Variants in EPHB1 observed in about 807,000 individuals in gnomAD.
The protein encoded by EPHB1 is ephrin type-B receptor 1.
Under a neutral mutation model 94.4 loss-of-function variants are expected in EPHB1, and 30 were observed. The observed-to-expected ratio is 0.32, with a 90% CI of 0.24 to 0.43. EPHB1 has a LOEUF of 0.43. Among genes scored for constraint, EPHB1 ranks in the 20% least tolerant of loss-of-function variants. The pLI is 1.00. For synonymous variants in EPHB1, 522 were observed against 489.1 expected (o/e 1.07, Z -0.89); for missense variants, 1,055 against 1,308.3 (o/e 0.81, Z 2.99).
chr3:134,915,467 C>A (rs191007708), intron 1 of EPHB1, among the ~76,000 whole-genome samples: 3 of 152,256 alleles, frequency 2.0e-5, no homozygotes, highest in African/African-American at 7.2e-5. Context: ...CAGGAAAGAT[C>A]CTCCCCGATA....
chr3:135,248,797 G>A (rs532873687), intron 14 of EPHB1, among the ~76,000 whole-genome samples: 2 of 152,040 alleles, frequency 1.3e-5, no homozygotes, highest in Admixed American at 1.3e-4. Flanking sequence ...GATTGGACAT[G>A]GATATTGAGG....
In EPHB1 at chr3:135,199,335, T is replaced by G. The variant is rs548700809; in HGVS notation, c.2131-2139T>G. 7.9e-5 allele frequency among the ~76,000 whole-genome samples: 12 copies of G among 152,264 alleles called. 1 individual carries two copies. In the South Asian group the frequency reaches 2.5e-3, roughly 32 times the overall value. On this transcript the variant is annotated intron_variant, in intron 11 of 15. Coordinates refer to ENST00000398015, the MANE Select transcript of EPHB1 (RefSeq NM_004441.5). ...TCCCCAGAGACCTACTTGGAGAAAATGCTTCGTGCTAGCAACAGCCTGCCT... is the reference window on the plus strand; with the variant it reads ...TCCCCAGAGACCTACTTGGAGAAAAGGCTTCGTGCTAGCAACAGCCTGCCT...
intron 3 of EPHB1, among the ~76,000 whole-genome samples, chr3:135,089,919 A>T (rs1012147141): frequency 6.6e-6 from 1 of 152,126 alleles, no homozygotes; most frequent in Non-Finnish European, 1.5e-5. Flanking sequence ...GTGCATTGAG[A>T]TCTAAGTGCT....
At chr3:134,919,614 C>G (rs1353874149) in intron 1 of EPHB1, among the ~76,000 whole-genome samples, 3 of 152,130 alleles carry the variant, frequency 2.0e-5, no homozygotes, top group Admixed American at 2.0e-4. Flanking sequence ...AGTAGACACC[C>G]TGAGGAGCCA....
At chr3:135,097,279 T>C (rs1385700968) in intron 3 of EPHB1, among the ~76,000 whole-genome samples, 1 of 150,940 alleles carries the variant, frequency 6.6e-6, no homozygotes, top group African/African-American at 2.4e-5. Flanking sequence ...GCTTGCTTTA[T>C]GGCTATCCTC....
Position 135,260,188 on chromosome 3 carries a change from A to G in EPHB1, c.*1068A>G, listed in dbSNP as rs1161898415. The stretch of plus-strand genomic sequence containing the variant: ...AAAAGGAGAAGGAAAGTGTTTCTGG[A>G]GAATGTTCTTTCACATCACTGGAAT... On this transcript the variant is annotated 3_prime_UTR_variant, in exon 16 of 16. Transcript: ENST00000398015. 5 of 232,950 alleles carry G rather than the reference A, an allele frequency of 2.1e-5. No homozygotes were observed. The highest frequency in any genetic ancestry group is 3.4e-5 in the Non-Finnish European group (4 of 117,630). 14.4% of individuals were successfully genotyped at this position (232,950 alleles called of 1,614,324 possible).
chr3:134,828,689 C>T (rs2036529446), intron 1 of EPHB1, among the ~76,000 whole-genome samples: 1 of 151,864 alleles, frequency 6.6e-6, no homozygotes. Context: ...GGAGAATGGC[C>T]CTTTGAGGGA....
intron 3 of EPHB1, among the ~76,000 whole-genome samples, chr3:134,953,017 A>G (rs544305091): frequency 6.6e-6 from 1 of 152,228 alleles, no homozygotes; most frequent in Admixed American, 6.5e-5. Context: ...AAGCCTTCCT[A>G]TATGGACCTC....
intron 3 of EPHB1, among the ~76,000 whole-genome samples, chr3:135,039,011 G>T (rs1486175859): frequency 3.3e-5 from 5 of 152,120 alleles, no homozygotes; most frequent in Non-Finnish European, 7.3e-5. Context: ...GTCCCCATCA[G>T]ATTAGTTAGA....
Position 135,245,905 on chromosome 3 carries a change from C to T in EPHB1, c.2497-2411C>T, listed in dbSNP as rs1943912416. Among the ~76,000 whole-genome samples, 4 of 151,648 alleles carry T rather than the reference C, an allele frequency of 2.6e-5. No individual in the cohort carries two copies. In the South Asian group the frequency reaches 8.4e-4, roughly 32 times the overall value. On this transcript the variant is annotated intron_variant, in intron 13 of 15. Transcript: ENST00000398015. ...ATTGAGTTACATTCGGTCTAGAGCT[C>T]ACAGGCAGAAGACTCAGCATGTGCA...
chr3:135,196,716 C>T (rs993201117), intron 11 of EPHB1, among the ~76,000 whole-genome samples: 31 of 152,138 alleles, frequency 2.0e-4, no homozygotes, highest in African/African-American at 7.5e-4. Flanking sequence ...GGAACTGTTT[C>T]CTCCCCTCCA....
chr3:135,043,514 C>T (rs1936912356), intron 3 of EPHB1, among the ~76,000 whole-genome samples: 1 of 152,044 alleles, frequency 6.6e-6, no homozygotes, highest in South Asian at 2.1e-4. Flanking sequence ...AGCTTCAGCT[C>T]TTCTCTCTTC....
intron 1 of EPHB1, among the ~76,000 whole-genome samples, chr3:134,887,737 T>G (rs1019186361): frequency 3.9e-5 from 6 of 152,212 alleles, no homozygotes; most frequent in African/African-American, 7.2e-5. Flanking sequence ...AAGAAAAAGT[T>G]GAAGATTAAT....
At chr3:135,092,631 C>T (rs545821306) in intron 3 of EPHB1, among the ~76,000 whole-genome samples, 1 of 143,216 alleles carries the variant, frequency 7.0e-6, no homozygotes, top group South Asian at 2.6e-4. Context: ...CCCTTCCTTC[C>T]TTCCTTCTTT....
At chr3:135,187,094 T>C (rs530845329) in intron 10 of EPHB1, among the ~76,000 whole-genome samples, 65 of 152,070 alleles carry the variant, frequency 4.3e-4, no homozygotes, top group Non-Finnish European at 2.5e-4. Context: ...GCTGAGCACA[T>C]TGGCCACTAG....
At chr3:134,795,818 G>A (rs1253827642) in intron 1 of EPHB1, 129 bp downstream of exon 1, 2 of 1,078,814 alleles carry the variant, frequency 1.9e-6, no homozygotes, top group East Asian at 2.7e-5. Context: ...GGGCAAGGAG[G>A]TTTGGGAGCC....
intron 1 of EPHB1, among the ~76,000 whole-genome samples, chr3:134,860,129 T>C (rs1336951249): frequency 2.6e-5 from 3 of 116,428 alleles, no homozygotes; most frequent in African/African-American, 8.2e-5. Context: ...CATATTCAGC[T>C]GTAACAAAAG....
At chr3:135,070,734 A>G (rs1395496361) in intron 3 of EPHB1, among the ~76,000 whole-genome samples, 3 of 152,082 alleles carry the variant, frequency 2.0e-5, no homozygotes, top group Non-Finnish European at 4.4e-5. Context: ...TCCTTTTTGC[A>G]TTCTATTTAA....
Position 135,057,299 on chromosome 3 carries a change from A to G in EPHB1, c.806-49149A>G, listed in dbSNP as rs1424772533. Reference sequence around the variant, plus strand: ...CACAGGCCTGATGAAAGGGATGGAGAGGAGACTCCATGGGAGGAGACCTGT... The same window carrying G: ...CACAGGCCTGATGAAAGGGATGGAGGGGAGACTCCATGGGAGGAGACCTGT... On this transcript the variant is annotated intron_variant, in intron 3 of 15. Coordinates refer to ENST00000398015, the MANE Select transcript of EPHB1 (RefSeq NM_004441.5). 2.0e-5 allele frequency among the ~76,000 whole-genome samples: 3 copies of G among 152,130 alleles called. 1 individual carries two copies. The highest frequency in any genetic ancestry group is 7.2e-5 in the African/African-American group (3 of 41,422).
Sources: gnomAD v4.1 joint callset for allele counts (sites outside exome capture counted in the v4.1 genomes callset) on GRCh38, gnomAD v4.1.1 for gene constraint, MANE v1.5 for transcripts, NCBI Gene and HGNC (gene_info 2026-07-23, HGNC 2026-07-21) for gene names.